EDA: variants seen among roughly 807,000 people sequenced by gnomAD.
EDA encodes the protein ectodysplasin-A.
EDA carries 2 observed loss-of-function variants against 23.6 expected under a neutral mutation model. That is an observed-to-expected ratio of 0.08 (90% CI 0.03 to 0.27). The LOEUF (loss-of-function observed/expected upper bound fraction) is 0.27. Ranked by LOEUF, EDA falls within the 10% of genes least tolerant of loss-of-function variation. EDA has a pLI of 1.00. For synonymous variants in EDA, 131 were observed against 132.0 expected (o/e 0.99, Z 0.05); for missense variants, 229 against 324.2 (o/e 0.71, Z 2.26).
intron 1 of EDA, among the ~76,000 whole-genome samples, chrX:69,715,338 A>G (rs375304556): frequency 9.0e-6 from 1 of 110,963 alleles, no homozygotes; most frequent in African/African-American, 3.3e-5. Context: ...GAGAATATGC[A>G]GTATTTGGCT....
intron 1 of EDA, among the ~76,000 whole-genome samples, chrX:69,820,782 ATAG>A (rs1602442891): frequency 8.9e-6 from 1 of 111,947 alleles, no homozygotes; most frequent in Non-Finnish European, 1.9e-5. Context: ...TTTTACACTG[ATAG>A]TAGGAGTGTA....
intron 1 of EDA, among the ~76,000 whole-genome samples, chrX:69,909,691 A>G (rs963309313): frequency 3.6e-5 from 4 of 112,671 alleles, no homozygotes; most frequent in Non-Finnish European, 5.6e-5. Flanking sequence ...ACTTTACAAC[A>G]TTTTTAACAG....
At chrX:69,787,775 G>T (rs2015246563) in intron 1 of EDA, among the ~76,000 whole-genome samples, 1 of 110,128 alleles carries the variant, frequency 9.1e-6, no homozygotes, top group African/African-American at 3.3e-5. Context: ...GTGTCTTGCA[G>T]TTGCTCTTCT....
intron 1 of EDA, among the ~76,000 whole-genome samples, chrX:69,734,175 T>C (rs981372054): frequency 4.5e-5 from 5 of 111,750 alleles, no homozygotes; most frequent in African/African-American, 1.6e-4. Flanking sequence ...TTATAATTTG[T>C]GTCTCTCAAG....
Position 70,037,196 on chromosome X carries a change from T to C in EDA, c.*1587T>C, listed in dbSNP as rs1464560773. 8.9e-6 allele frequency: 1 copy of C among 112,486 alleles called. No homozygotes were observed. The highest frequency in any genetic ancestry group is 2.8e-4 in the East Asian group (1 of 3,574). The allele number at this position is 112,486 out of a possible 1,213,427, so 9.3% of individuals were successfully genotyped here. On this transcript the variant is annotated 3_prime_UTR_variant, in exon 8 of 8. Transcript: ENST00000374552. ...CCTTTTCAGGAGATGGGGAATAATT[T>C]CCTTCAGGCAGCTGAAATTCACCAA...
intron 1 of EDA, among the ~76,000 whole-genome samples, chrX:69,785,659 G>T (rs1195344149): frequency 1.8e-5 from 2 of 109,532 alleles, no homozygotes; most frequent in African/African-American, 6.6e-5. Context: ...GATCATGGTG[G>T]ATAAGCTTTT....
chrX:70,033,747 T>A lies in EDA; in HGVS notation c.924+219T>A, dbSNP rs147910377. 0.095 allele frequency among the ~76,000 whole-genome samples: 10,503 copies of A among 110,496 alleles called. 464 individuals carry two copies. The highest frequency in any genetic ancestry group is 0.16 in the Middle Eastern group (34 of 218). On this transcript the variant is annotated intron_variant, in intron 7 of 7. Coordinates refer to ENST00000374552, the MANE Select transcript of EDA (RefSeq NM_001399.5). ...TTTGTTTTGTTTTTCCTTAGCCAAA[T>A]ATTATTGAAAAACTGTGAAAAAGAC...
chrX:69,695,666 C>T (rs1310051697), intron 1 of EDA, among the ~76,000 whole-genome samples: 10 of 108,077 alleles, frequency 9.3e-5, no homozygotes, highest in Non-Finnish European at 1.3e-4. Context: ...CCCGCTACCA[C>T]GCCCAGCTAA....
chrX:69,784,657 G>C (rs1245525967), intron 1 of EDA, among the ~76,000 whole-genome samples: 5 of 107,547 alleles, frequency 4.6e-5, no homozygotes, highest in Admixed American at 1.0e-4. Context: ...CTATATCTCT[G>C]TTTTGGTACC....
intron 1 of EDA, among the ~76,000 whole-genome samples, chrX:69,786,810 C>A: frequency 9.0e-6 from 1 of 111,274 alleles, no homozygotes; most frequent in Non-Finnish European, 1.9e-5. Flanking sequence ...ATTAGGTCCG[C>A]TTGGTGCAGA....
chrX:69,656,478 A>G (rs1933324583), intron 1 of EDA, among the ~76,000 whole-genome samples: 1 of 111,845 alleles, frequency 8.9e-6, no homozygotes, highest in African/African-American at 3.3e-5. Flanking sequence ...ATCTCACTTT[A>G]TGTATATATG....
chrX:69,788,148 C>T (rs2015262709), intron 1 of EDA, among the ~76,000 whole-genome samples: 1 of 111,645 alleles, frequency 9.0e-6, no homozygotes, highest in Admixed American at 9.5e-5. Context: ...TCCATCAGCT[C>T]CTTTAAGCAC....
chrX:69,616,705 G>GT lies in EDA; in HGVS notation c.396+2dup. 8.3e-7 allele frequency: 1 copy of GT among 1,211,843 alleles called. No individual in the cohort carries two copies. Among genetic ancestry groups the GT allele is most frequent in the Non-Finnish European group, 1.1e-6 (1 of 895,445 alleles). On this transcript the variant is annotated splice_donor_variant, in intron 1 of 7. Transcript: ENST00000374552. LOFTEE classifies it high-confidence loss of function. Reference sequence around the variant, plus strand: ...CTCTGACTCCCAGGACGGGCACCAGGTGAGTCACCTAGTAGGGGCGGCGGC... The same window carrying GT: ...CTCTGACTCCCAGGACGGGCACCAGGTTGAGTCACCTAGTAGGGGCGGCGGC...
At chrX:69,961,005 T>G (rs2019091569) in intron 2 of EDA, among the ~76,000 whole-genome samples, 1 of 95,351 alleles carries the variant, frequency 1.0e-5, no homozygotes, top group African/African-American at 3.8e-5. Flanking sequence ...GGCAACAGAG[T>G]GAAACTCCAT....
chrX:70,004,781 C>A (rs1165187395), intron 2 of EDA, among the ~76,000 whole-genome samples: 4 of 111,953 alleles, frequency 3.6e-5, no homozygotes, highest in Non-Finnish European at 7.5e-5. Context: ...TTGTTCTCAA[C>A]ATAAAGGGAG....
At chrX:69,654,613 A>G (rs1482093087) in intron 1 of EDA, among the ~76,000 whole-genome samples, 1 of 111,945 alleles carries the variant, frequency 8.9e-6, no homozygotes, top group Admixed American at 9.4e-5. Context: ...AATACTATGC[A>G]GCCATAAAAA....
intron 1 of EDA, among the ~76,000 whole-genome samples, chrX:69,946,384 G>GT (rs1465155199): frequency 9.0e-6 from 1 of 111,237 alleles, no homozygotes; most frequent in Non-Finnish European, 1.9e-5. Context: ...CACTGGCCAC[G>GT]TATCTACATT....
intron 2 of EDA, among the ~76,000 whole-genome samples, chrX:69,971,875 G>A (rs1426356188): frequency 9.0e-6 from 1 of 111,055 alleles, no homozygotes; most frequent in Non-Finnish European, 1.9e-5. Flanking sequence ...CAATGCTAAA[G>A]CATACCCTTC....
chrX:69,616,168 C>G lies in EDA; in HGVS notation c.-141C>G. ...CATGCGGCTGCTCCCTGCTCCGTCC[C>G]GCCCAGCCACTGTCGCGCAGGAACG... On this transcript the variant is annotated 5_prime_UTR_variant, in exon 1 of 8. Transcript: ENST00000374552. 1 of 707,525 alleles carries G rather than the reference C, an allele frequency of 1.4e-6. No homozygotes were observed. The highest frequency in any genetic ancestry group is 4.7e-4 in the Middle Eastern group (1 of 2,117). The allele number at this position is 707,525 out of a possible 1,213,427, so 58.3% of individuals were successfully genotyped here. A position where few individuals can be genotyped will look rare whatever the true frequency, so the allele number is the denominator to read the frequency against.
Sources: gnomAD v4.1 joint callset for allele counts (sites outside exome capture counted in the v4.1 genomes callset) on GRCh38, gnomAD v4.1.1 for gene constraint, MANE v1.5 for transcripts, NCBI Gene and HGNC (gene_info 2026-07-23, HGNC 2026-07-21) for gene names.